TENM1: variants seen among roughly 807,000 people sequenced by gnomAD.
TENM1 encodes teneurin transmembrane protein 1.
Under a neutral mutation model 174.8 loss-of-function variants are expected in TENM1, and 35 were observed. The observed-to-expected ratio is 0.20, with a 90% CI of 0.15 to 0.27. TENM1 has a LOEUF of 0.27. Ranked by LOEUF, TENM1 falls within the 10% of genes least tolerant of loss-of-function variation. The pLI, the probability that TENM1 is intolerant of heterozygous loss-of-function variation, is 1.00. For synonymous variants in TENM1, 781 were observed against 798.7 expected (o/e 0.98, Z 0.37); for missense variants, 1,633 against 2,130.1 (o/e 0.77, Z 4.59).
intron 3 of TENM1, among the ~76,000 whole-genome samples, chrX:124,847,287 A>G (rs917864937): frequency 8.9e-6 from 1 of 111,871 alleles, no homozygotes; most frequent in Non-Finnish European, 1.9e-5. Flanking sequence ...AAATTATAAC[A>G]TATTTGAAAT....
chrX:125,002,071 G>A, the TENM1 span, among the ~76,000 whole-genome samples: 1 of 111,042 alleles, frequency 9.0e-6, no homozygotes, highest in Admixed American at 9.6e-5. Flanking sequence ...GAGTATAAAT[G>A]TTTAAGTTTA....
At chrX:125,001,934 C>CAT in the TENM1 span, among the ~76,000 whole-genome samples, 10 of 68,339 alleles carry the variant, frequency 1.5e-4, no homozygotes, top group African/African-American at 7.2e-4. Flanking sequence ...ATCACACACA[C>CAT]ACACACACAC....
chrX:124,952,054 T>C (rs1303198088), intron 1 of TENM1, among the ~76,000 whole-genome samples: 3 of 110,524 alleles, frequency 2.7e-5, no homozygotes, highest in African/African-American at 9.9e-5. Context: ...ATCCTAGAGG[T>C]AGTCTGAAGG....
intron 11 of TENM1, 57 bp from the exon 15 acceptor site, chrX:124,565,617 C>A (rs2048923790): frequency 1.1e-6 from 1 of 881,643 alleles, no homozygotes; most frequent in Non-Finnish European, 1.5e-6. Flanking sequence ...AGCATCCATT[C>A]TTCCAAAAAA....
chrX:124,452,387 A>T (rs773596477), intron 23 of TENM1, among the ~76,000 whole-genome samples: 1 of 112,104 alleles, frequency 8.9e-6, no homozygotes, highest in East Asian at 2.8e-4. Context: ...GCTGGAGAGG[A>T]TGTGGAGAAA....
the TENM1 span, among the ~76,000 whole-genome samples, chrX:125,050,369 T>C: frequency 6.4e-5 from 7 of 109,034 alleles, no homozygotes; most frequent in Admixed American, 2.0e-4. Flanking sequence ...TGTCCATGTG[T>C]TCTCACTGTT....
chrX:124,831,526 A>T (rs1023736740), intron 3 of TENM1, among the ~76,000 whole-genome samples: 1 of 112,299 alleles, frequency 8.9e-6, no homozygotes, highest in African/African-American at 3.2e-5. Flanking sequence ...CCAATGGTCC[A>T]GAGAAAAAGC....
intron 11 of TENM1, among the ~76,000 whole-genome samples, chrX:124,641,501 TCTGCATAGAA>T (rs1226479693): frequency 9.0e-6 from 1 of 111,713 alleles, no homozygotes; most frequent in African/African-American, 3.3e-5. Context: ...TTTGAAATCA[TCTGCATAGAA>T]CTGACAGTAG....
chrX:124,737,439 G>A (rs1328725344), intron 3 of TENM1, among the ~76,000 whole-genome samples: 1 of 111,902 alleles, frequency 8.9e-6, no homozygotes, highest in African/African-American at 3.3e-5. Flanking sequence ...GGCTATAGCA[G>A]CTAAAAAGTA....
the TENM1 span, among the ~76,000 whole-genome samples, chrX:124,996,810 T>C: frequency 9.0e-6 from 1 of 111,308 alleles, no homozygotes; most frequent in African/African-American, 3.3e-5. Context: ...ATCAAGAGAA[T>C]GCAGTCCTTG....
At chrX:124,582,078 C>G (rs956750445) in intron 11 of TENM1, among the ~76,000 whole-genome samples, 3 of 110,945 alleles carry the variant, frequency 2.7e-5, no homozygotes, top group African/African-American at 6.6e-5. Context: ...GTTGTTCCCC[C>G]CCATGTCCAT....
At chrX:124,792,565 A>G (rs757828043) in intron 3 of TENM1, among the ~76,000 whole-genome samples, 1 of 112,413 alleles carries the variant, frequency 8.9e-6, no homozygotes, top group Admixed American at 9.4e-5. Flanking sequence ...ACATTGTTAC[A>G]TATCTTTTAT....
At chrX:124,510,067 C>T (rs2047547481) in intron 18 of TENM1, among the ~76,000 whole-genome samples, 1 of 112,351 alleles carries the variant, frequency 8.9e-6, no homozygotes, top group Non-Finnish European at 1.9e-5. Context: ...ATAATTACCA[C>T]AAAATAATAT....
the TENM1 span, among the ~76,000 whole-genome samples, chrX:125,191,924 T>G: frequency 1.3e-3 from 143 of 106,431 alleles, no homozygotes; most frequent in African/African-American, 4.8e-3. Flanking sequence ...ATAAGCTAGG[T>G]TTTTTTTTTG....
intron 3 of TENM1, among the ~76,000 whole-genome samples, chrX:124,861,153 A>G (rs2056904270): frequency 8.9e-6 from 1 of 112,363 alleles, no homozygotes; most frequent in South Asian, 3.7e-4. Context: ...ACTAAAGGTT[A>G]AAATAATTTA....
At position 124,641,828 on chromosome X, in the gene TENM1, G is replaced by A. The variant is rs865991373; in HGVS notation, c.2040C>T (p.Ser680=). ...CAGATCCTGTCCACTTGGGATCACAGCTGCATACTCCAGCGTCCAGAAGAA... is the reference window on the plus strand; with the variant it reads ...CAGATCCTGTCCACTTGGGATCACAACTGCATACTCCAGCGTCCAGAAGAA... The change falls in exon 11 of 32, where the codon AGC becomes AGT. Residue 680 remains serine, a synonymous_variant. Transcript: ENST00000422452. 2.5e-6 allele frequency: 3 copies of A among 1,211,714 alleles called. No individual in the cohort carries two copies. In the African/African-American group the frequency reaches 5.2e-5, roughly 21 times the overall value.
intron 11 of TENM1, 72 bp from the exon 15 acceptor site, chrX:124,565,632 A>T: frequency 1.4e-6 from 1 of 714,525 alleles, no homozygotes; most frequent in Non-Finnish European, 1.9e-6. Context: ...AAAAAACATT[A>T]TAATTACCAA....
chrX:124,582,974 C>A (rs1365591452), intron 11 of TENM1, among the ~76,000 whole-genome samples: 4 of 112,424 alleles, frequency 3.6e-5, no homozygotes, highest in Admixed American at 9.4e-5. Context: ...TGCAGCGACG[C>A]TGGGGGAGGG....
At chrX:124,949,403 A>AAAT (rs1303914447) in intron 1 of TENM1, among the ~76,000 whole-genome samples, 1 of 112,244 alleles carries the variant, frequency 8.9e-6, no homozygotes, top group East Asian at 2.8e-4. Flanking sequence ...TTATAAAAGT[A>AAAT]AATAAGGCAT....
Sources: gnomAD v4.1 joint callset for allele counts (sites outside exome capture counted in the v4.1 genomes callset) on GRCh38, gnomAD v4.1.1 for gene constraint, MANE v1.5 for transcripts, NCBI Gene and HGNC (gene_info 2026-07-23, HGNC 2026-07-21) for gene names.